GRM5: variants seen among roughly 807,000 people sequenced by gnomAD.
The protein encoded by GRM5 is metabotropic glutamate receptor 5.
In GRM5, 19 loss-of-function variants were observed where a neutral mutation model predicts 83.1. The observed-to-expected ratio is 0.23, with a 90% CI of 0.16 to 0.34. The LOEUF is 0.34. Among genes scored for constraint, GRM5 ranks in the 10% least tolerant of loss-of-function variants. The pLI is 1.00. For missense variants in GRM5, 1,160 were observed against 1,588.3 expected (o/e 0.73, Z 4.58); for synonymous variants, 675 against 633.6 (o/e 1.07, Z -0.98).
intron 3 of GRM5, among the ~76,000 whole-genome samples, chr11:88,671,002 T>C (rs1043022523): frequency 7.2e-5 from 11 of 151,990 alleles, no homozygotes; most frequent in South Asian, 2.1e-4. Context: ...TACAGAAGAA[T>C]GTTCACTGAC....
At chr11:88,509,716 G>C (rs1941310080) in intron 9 of GRM5, among the ~76,000 whole-genome samples, 1 of 152,172 alleles carries the variant, frequency 6.6e-6, no homozygotes, top group Non-Finnish European at 1.5e-5. Context: ...TTCTATATCA[G>C]GGCTTCAGTT....
chr11:89,040,950 CT>C (rs1469321898), intron 2 of GRM5, among the ~76,000 whole-genome samples: 1 of 152,138 alleles, frequency 6.6e-6, no homozygotes, highest in East Asian at 1.9e-4. Flanking sequence ...GCTTTTCATT[CT>C]GTGTTTTATG....
intron 2 of GRM5, among the ~76,000 whole-genome samples, chr11:88,924,875 T>C (rs1945759175): frequency 6.6e-6 from 1 of 152,020 alleles, no homozygotes; most frequent in African/African-American, 2.4e-5. Flanking sequence ...AATTTGCTTA[T>C]CTATAGTAAG....
At chr11:89,010,344 T>C (rs1162473687) in intron 2 of GRM5, among the ~76,000 whole-genome samples, 1 of 152,178 alleles carries the variant, frequency 6.6e-6, no homozygotes, top group Non-Finnish European at 1.5e-5. Flanking sequence ...ACAGAAACTG[T>C]GTAACTTGGT....
intron 2 of GRM5, among the ~76,000 whole-genome samples, chr11:89,012,043 T>C (rs567531534): frequency 5.9e-4 from 90 of 152,112 alleles, no homozygotes; most frequent in African/African-American, 2.1e-3. Context: ...GGCTAATGGA[T>C]ACATTTTTTA....
intron 2 of GRM5, among the ~76,000 whole-genome samples, chr11:88,948,615 C>T (rs1193538798): frequency 3.9e-5 from 6 of 152,158 alleles, no homozygotes; most frequent in African/African-American, 1.2e-4. Context: ...AGTTTTATGA[C>T]GGTACATGGA....
At position 88,885,450 on chromosome 11, in the gene GRM5, G is replaced by GGTTTTTTTT. The variant is rs1945027301; in HGVS notation, c.662-35296_662-35295insAAAAAAAAC. On this transcript the variant is annotated intron_variant, in intron 2 of 9. Coordinates refer to ENST00000305447, the MANE Select transcript of GRM5 (RefSeq NM_001143831.3). ...TTCTGAATTCTATAGTAGGTACCATGTTTTTTTTTTTTTTTTTTTTTTTTT... is the reference window on the plus strand; with the variant it reads ...TTCTGAATTCTATAGTAGGTACCATGGTTTTTTTTTTTTTTTTTTTTTTTTTTTTTTTTT... 6.2e-4 allele frequency among the ~76,000 whole-genome samples: 39 copies of GGTTTTTTTT among 62,662 alleles called. 14 individuals are homozygous for GGTTTTTTTT. The highest frequency in any genetic ancestry group is 2.2e-3 in the African/African-American group (37 of 16,890). 41.1% of individuals were successfully genotyped at this position (62,662 alleles called of 152,430 possible).
intron 2 of GRM5, among the ~76,000 whole-genome samples, chr11:88,965,171 C>T (rs1938913488): frequency 1.3e-5 from 2 of 152,138 alleles, no homozygotes. Context: ...GTTCAGGCTG[C>T]TTTTACAAAT....
At chr11:88,783,947 A>C (rs1302564617) in intron 3 of GRM5, among the ~76,000 whole-genome samples, 1 of 152,108 alleles carries the variant, frequency 6.6e-6, no homozygotes. Context: ...TGTACAAAGA[A>C]GAAAAAATAA....
intron 3 of GRM5, among the ~76,000 whole-genome samples, chr11:88,661,251 A>G (rs1444197463): frequency 6.6e-6 from 1 of 152,202 alleles, no homozygotes; most frequent in Non-Finnish European, 1.5e-5. Flanking sequence ...TTTAAAAATT[A>G]GGTTTTAAAA....
chr11:88,864,223 G>A (rs997445970), intron 2 of GRM5, among the ~76,000 whole-genome samples: 1 of 150,694 alleles, frequency 6.6e-6, no homozygotes, highest in African/African-American at 2.4e-5. Flanking sequence ...AAGATTACAA[G>A]GGGGAGGCCC....
intron 3 of GRM5, among the ~76,000 whole-genome samples, chr11:88,793,720 C>G (rs143799886): frequency 3.3e-5 from 5 of 152,022 alleles, no homozygotes; most frequent in South Asian, 2.1e-4. Flanking sequence ...AGGGCCAATA[C>G]GGGAGTCAGG....
intron 3 of GRM5, among the ~76,000 whole-genome samples, chr11:88,849,176 TAC>T (rs748095063): frequency 4.0e-5 from 6 of 151,748 alleles, no homozygotes; most frequent in Admixed American, 6.6e-5. Flanking sequence ...CATATGTATA[TAC>T]ACACACACAC....
At chr11:89,003,992 G>A (rs567514192) in intron 2 of GRM5, among the ~76,000 whole-genome samples, 30 of 152,204 alleles carry the variant, frequency 2.0e-4, no homozygotes, top group Admixed American at 5.2e-4. Context: ...GAATAAGGTC[G>A]GAGTGAAGGC....
At chr11:88,857,599 T>G (rs1324832260) in intron 2 of GRM5, among the ~76,000 whole-genome samples, 2 of 152,056 alleles carry the variant, frequency 1.3e-5, no homozygotes, top group Non-Finnish European at 2.9e-5. Context: ...CATAAAGATG[T>G]TCTTTTGTTT....
intron 8 of GRM5, among the ~76,000 whole-genome samples, chr11:88,540,873 A>T (rs1343321730): frequency 6.6e-6 from 1 of 151,532 alleles, no homozygotes; most frequent in Non-Finnish European, 1.5e-5. Context: ...CAGCCTCCTG[A>T]GTAGCTGGGA....
chr11:88,793,683 T>C (rs1943220630), intron 3 of GRM5, among the ~76,000 whole-genome samples: 1 of 152,138 alleles, frequency 6.6e-6, no homozygotes, highest in Non-Finnish European at 1.5e-5. Flanking sequence ...TCCAGAACTA[T>C]AATAGTTTCA....
intron 3 of GRM5, among the ~76,000 whole-genome samples, chr11:88,693,043 T>C (rs761145359): frequency 2.0e-5 from 3 of 152,186 alleles, no homozygotes; most frequent in Non-Finnish European, 2.9e-5. Context: ...GTATCTCCTA[T>C]GGTTCTTAAC....
At chr11:88,833,591 C>T (rs987098463) in intron 3 of GRM5, among the ~76,000 whole-genome samples, 2 of 152,094 alleles carry the variant, frequency 1.3e-5, no homozygotes, top group East Asian at 1.9e-4. Context: ...ATAAAACTAT[C>T]GTATGATCAG....
Sources: allele counts gnomAD v4.1 joint callset (sites outside exome capture counted in the v4.1 genomes callset), GRCh38; gene constraint gnomAD v4.1.1; transcripts MANE v1.5; gene names NCBI Gene and HGNC (gene_info 2026-07-23, HGNC 2026-07-21).